ZNF395: variants seen among roughly 807,000 people sequenced by gnomAD.
The protein encoded by ZNF395 is zinc finger protein 395, also known as HD gene regulatory region-binding protein 2.
A neutral mutation model predicts 57.7 loss-of-function variants in ZNF395; 20 were observed. That is an observed-to-expected ratio of 0.35 (90% CI 0.24 to 0.50). The LOEUF (loss-of-function observed/expected upper bound fraction) is 0.50. Ranked by LOEUF, ZNF395 falls within the 20% of genes least tolerant of loss-of-function variation. The probability of loss-of-function intolerance (pLI) is 0.97; values close to 1 mark genes in which losing one functional copy is unlikely to be tolerated. For synonymous variants in ZNF395, 295 were observed against 275.9 expected (o/e 1.07, Z -0.69); for missense variants, 606 against 671.2 (o/e 0.90, Z 1.07).
rs1311061876 is a variant in ZNF395, at chr8:28,346,337, C to A, written c.*2382G>T. ...TGGGTCGGTTCCCAAGCCACCCTCA[C>A]CCTCCAAGAAGGCATGAATGGAACA... On this transcript the variant is annotated 3_prime_UTR_variant, in exon 10 of 10. Transcript: ENST00000344423. The A allele has an allele frequency of 2.0e-5, 3 of 152,086 alleles. No individual in the cohort carries two copies. The East Asian group carries it at 5.8e-4, about 29-fold the overall frequency. The allele number at this position is 152,086 out of a possible 1,614,324, so 9.4% of individuals were successfully genotyped here.
chr8:28,370,904 T>C (rs979225785), intron 1 of ZNF395, among the ~76,000 whole-genome samples: 1 of 152,220 alleles, frequency 6.6e-6, no homozygotes, highest in African/African-American at 2.4e-5. Flanking sequence ...GGAACCCTTA[T>C]ATGTAATCCG....
In ZNF395 at chr8:28,359,115, G is replaced by A. The variant is rs752661868; in HGVS notation, c.473+477C>T. On this transcript the variant is annotated intron_variant, in intron 3 of 9. Transcript: ENST00000344423. This position sits in a 1 kb window ranked among gnomAD's most constrained non-coding sequence, Gnocchi z 4.7. ...CTATGGAAAAGAAAAGACGCCACTC[G>A]GCCAGGCATGGTGGCTCAAACCTGT... Among the ~76,000 whole-genome samples the A allele has an allele frequency of 1.3e-4, 20 of 152,172 alleles. No homozygotes were observed. The highest frequency in any genetic ancestry group is 5.9e-5 in the Non-Finnish European group (4 of 68,038).
chr8:28,382,154 C>A (rs1244703223), intron 1 of ZNF395, among the ~76,000 whole-genome samples: 3 of 152,124 alleles, frequency 2.0e-5, no homozygotes, highest in Non-Finnish European at 2.9e-5. Flanking sequence ...CAAAAGGAAG[C>A]CCGGGGACCA....
intron 1 of ZNF395, among the ~76,000 whole-genome samples, chr8:28,385,760 C>A (rs1257319553): frequency 6.7e-6 from 1 of 148,218 alleles, no homozygotes; most frequent in African/African-American, 2.4e-5. Context: ...CGGGAGGGGG[C>A]TCCGAGAGTG....
At chr8:28,373,065 A>G (rs1022886118) in intron 1 of ZNF395, among the ~76,000 whole-genome samples, 6 of 152,232 alleles carry the variant, frequency 3.9e-5, no homozygotes, top group African/African-American at 1.4e-4. Flanking sequence ...TGAAGTGCAC[A>G]CTGCATTTGG....
chr8:28,376,174 C>A (rs1043334274), intron 1 of ZNF395, among the ~76,000 whole-genome samples: 1 of 151,732 alleles, frequency 6.6e-6, no homozygotes. Flanking sequence ...GGGGTTTCAC[C>A]ATGTTGCCCG....
chr8:28,360,149 G>A (rs368344818), intron 2 of ZNF395, among the ~76,000 whole-genome samples: 1 of 152,286 alleles, frequency 6.6e-6, no homozygotes, highest in East Asian at 1.9e-4. Flanking sequence ...CTGTCTGCTG[G>A]TGCCCAACTG....
chr8:28,359,511 T>C lies in ZNF395; in HGVS notation c.473+81A>G, dbSNP rs1801821997. On this transcript the variant is annotated intron_variant, in intron 3 of 9. Transcript: ENST00000344423. This position sits in a 1 kb window ranked among gnomAD's most constrained non-coding sequence, Gnocchi z 4.7. ...CAGATGCCAATGACACCACATTTCT[T>C]CCCCACCACAACACAGCCCACACCC... The C allele has an allele frequency of 3.4e-6, 5 of 1,472,198 alleles. No individual in the cohort carries two copies. Among genetic ancestry groups the C allele is most frequent in the Non-Finnish European group, 4.5e-6 (5 of 1,107,244 alleles). 91.2% of individuals were successfully genotyped at this position (1,472,198 alleles called of 1,614,324 possible).
Position 28,355,843 on chromosome 8 carries a change from A to C in ZNF395, c.583+827T>G, listed in dbSNP as rs375910819. On this transcript the variant is annotated intron_variant, in intron 4 of 9. Coordinates refer to ENST00000344423, the MANE Select transcript of ZNF395 (RefSeq NM_018660.3). ...TCTCTCTCCTTTATGTTTAATTTCT[A>C]TTTAGGGAGATTCCTTATGAGGGAT... Among the ~76,000 whole-genome samples, 30 of 152,292 alleles carry C rather than the reference A, an allele frequency of 2.0e-4. No homozygotes were observed. In the South Asian group the frequency reaches 4.3e-3, roughly 22 times the overall value.
At chr8:28,354,700 G>A (rs1053784971) in intron 4 of ZNF395, among the ~76,000 whole-genome samples, 33 of 152,040 alleles carry the variant, frequency 2.2e-4, no homozygotes, top group African/African-American at 6.8e-4. Flanking sequence ...TCCCTTCCTG[G>A]GAACCAAGAG....
At chr8:28,358,142 CTTTTTT>C (rs1166965241) in intron 3 of ZNF395, among the ~76,000 whole-genome samples, 1 of 121,456 alleles carries the variant, frequency 8.2e-6, no homozygotes, top group Non-Finnish European at 1.8e-5. Context: ...GGGTTTTTTT[CTTTTTT>C]TTCTTTTTTT....
At chr8:28,358,158 T>C (rs112356982) in intron 3 of ZNF395, among the ~76,000 whole-genome samples, 1,584 of 144,760 alleles carry the variant, frequency 0.011, 21 homozygotes, top group Middle Eastern at 0.045. Context: ...TTTCTTTTTT[T>C]TTTTTTTTTT....
Position 28,352,497 on chromosome 8 carries a change from T to C in ZNF395, c.920+76A>G, listed in dbSNP as rs1281143838. 3.8e-6 allele frequency: 5 copies of C among 1,330,634 alleles called. No homozygotes were observed. The Admixed American group carries it at 8.7e-5, about 23-fold the overall frequency. The allele number at this position is 1,330,634 out of a possible 1,614,324, so 82.4% of individuals were successfully genotyped here. On this transcript the variant is annotated intron_variant, in intron 6 of 9. Coordinates refer to ENST00000344423, the MANE Select transcript of ZNF395 (RefSeq NM_018660.3). The surrounding 1 kb of genome is among the most constrained non-coding windows in gnomAD (Gnocchi z 4.0). ...ACGTTCCTGAAAGCACTGTGGGCTG[T>C]GGGTCACAGGGACTCGGCAGGGTGG...
In ZNF395 at chr8:28,348,846, A is replaced by G; in HGVS notation, c.1431-16T>C. 1 of 1,613,164 alleles carries G rather than the reference A, an allele frequency of 6.2e-7. No homozygotes were observed. Among genetic ancestry groups the G allele is most frequent in the Non-Finnish European group, 8.5e-7 (1 of 1,179,394 alleles). On this transcript the variant is annotated splice_polypyrimidine_tract_variant and intron_variant, in intron 9 of 9. Transcript: ENST00000344423. ...TCGGGCTTTCCTGCAGAAAGAGAGG[A>G]ATGCAAATCGAGCCCCACACAGGTG...
At chr8:28,354,239 G>A (rs1164048088) in intron 4 of ZNF395, among the ~76,000 whole-genome samples, 5 of 152,198 alleles carry the variant, frequency 3.3e-5, no homozygotes, top group African/African-American at 4.8e-5. Context: ...AGAATCTTCC[G>A]TTTTTAAACA....
chr8:28,378,942 G>A (rs1242703343), intron 1 of ZNF395, among the ~76,000 whole-genome samples: 1 of 152,124 alleles, frequency 6.6e-6, no homozygotes, highest in African/African-American at 2.4e-5. Context: ...CAGTCTTTCG[G>A]GTCAAAGGGG....
chr8:28,377,156 A>G (rs1022122650), intron 1 of ZNF395, among the ~76,000 whole-genome samples: 5 of 152,254 alleles, frequency 3.3e-5, no homozygotes, highest in Non-Finnish European at 2.9e-5. Context: ...CGGATTCTAA[A>G]TAAAGCATAT....
rs1330338965 is a variant in ZNF395 at position 28,347,336 on chromosome 8, T to A, written c.*1383A>T. 6.6e-6 allele frequency: 1 copy of A among 152,182 alleles called. No individual in the cohort carries two copies. The highest frequency in any genetic ancestry group is 1.5e-5 in the Non-Finnish European group (1 of 68,104). 9.4% of individuals were successfully genotyped at this position (152,182 alleles called of 1,614,324 possible). ...TGGGCAGTGGGCAGTCACATTCCAG[T>A]AGGCCCTGAGGAATCCCCAAATAAG... On this transcript the variant is annotated 3_prime_UTR_variant, in exon 10 of 10. Coordinates refer to ENST00000344423, the MANE Select transcript of ZNF395 (RefSeq NM_018660.3).
At chr8:28,351,417 T>C in intron 7 of ZNF395, 78 bp downstream of exon 7, 1 of 1,464,478 alleles carries the variant, frequency 6.8e-7, no homozygotes, top group South Asian at 1.4e-5. Flanking sequence ...TCCATCAGGG[T>C]GGTCGGTAGC....
Sources: allele counts gnomAD v4.1 joint callset (sites outside exome capture counted in the v4.1 genomes callset), GRCh38; gene constraint gnomAD v4.1.1; non-coding constraint Gnocchi (gnomAD v3.1); transcripts MANE v1.5; gene names NCBI Gene and HGNC (gene_info 2026-07-23, HGNC 2026-07-21).